The following CCDC150 variants were observed in gnomAD, a reference collection of about 807,000 sequenced individuals.
The protein encoded by CCDC150 is coiled-coil domain-containing protein 150.
Under a neutral mutation model 156.5 loss-of-function variants are expected in CCDC150, and 151 were observed. That is an observed-to-expected ratio of 0.97 (90% CI 0.85 to 1.10). CCDC150 has a LOEUF of 1.10. CCDC150 is among the 50% of genes least tolerant of loss of function. The pLI, the probability that CCDC150 is intolerant of heterozygous loss-of-function variation, is 0.00. For synonymous variants in CCDC150, 452 were observed against 429.4 expected (o/e 1.05, Z -0.65); for missense variants, 1,312 against 1,268.1 (o/e 1.03, Z -0.53).
At chr2:196,721,348 G>A (rs1697870829) in intron 20 of CCDC150, among the ~76,000 whole-genome samples, 174 bp from the exon 21 acceptor site, 1 of 18,960 alleles carries the variant, frequency 5.3e-5, no homozygotes, top group African/African-American at 1.9e-4. Context: ...TCATATATGT[G>A]TGTGCATATA....
intron 15 of CCDC150, among the ~76,000 whole-genome samples, chr2:196,709,804 C>T (rs574268520): frequency 6.6e-6 from 1 of 152,322 alleles, no homozygotes; most frequent in East Asian, 1.9e-4. Context: ...GAGGTCCACT[C>T]CAGACCCTGT....
chr2:196,667,458 C>G (rs77347881), intron 7 of CCDC150: 17,695 of 155,152 alleles, frequency 0.11, 1,121 homozygotes, highest in Middle Eastern at 0.19. Flanking sequence ...TATCATACTA[C>G]TGTTGCTAGT....
Position 196,718,502 on chromosome 2 carries a change from G to C in CCDC150, c.1867-1G>C, listed in dbSNP as rs1697674894. The C allele has an allele frequency of 6.2e-7, 1 of 1,603,446 alleles. No individual in the cohort carries two copies. The highest frequency in any genetic ancestry group is 1.3e-5 in the African/African-American group (1 of 74,648). ...TTTATTGTTTCTTTTTTCCTACTTA[G>C]GTGAAATCTATTCTTGAAAGAAGTA... is the stretch of plus-strand genomic sequence containing the variant. On this transcript the variant is annotated splice_acceptor_variant, in intron 17 of 27. Coordinates refer to ENST00000389175, the MANE Select transcript of CCDC150 (RefSeq NM_001080539.2). LOFTEE classifies it high-confidence loss of function.
chr2:196,725,898 C>T (rs767628713), intron 21 of CCDC150, 75 bp from the exon 22 acceptor site: 10 of 1,391,500 alleles, frequency 7.2e-6, no homozygotes, highest in Non-Finnish European at 9.8e-6. Flanking sequence ...GAGAGTTGCA[C>T]ACTCCCCTCC....
At chr2:196,716,308 A>G (rs746493317) in intron 17 of CCDC150, among the ~76,000 whole-genome samples, 2 of 152,246 alleles carry the variant, frequency 1.3e-5, no homozygotes, top group Non-Finnish European at 2.9e-5. Context: ...ACTTGTACAC[A>G]GGTGTTCACA....
Position 196,676,572 on chromosome 2 carries a change from G to A in CCDC150, c.1281G>A (p.Glu427=), listed in dbSNP as rs17271281. The A allele has an allele frequency of 0.13, 202,536 of 1,612,004 alleles. 13,925 individuals carry two copies. Among genetic ancestry groups the A allele is most frequent in the Non-Finnish European group, 0.14 (166,215 of 1,178,568 alleles). ...CCTGCAGGGATCATTTAATCCTTGA[G>A]CATAACCAGTGTATCCAGAAAGCAC... ...LQAHLDHLIL[E]HNQCIQKAQD... The change falls in exon 12 of 28, where the codon GAG becomes GAA. Residue 427 remains glutamate (E), a synonymous_variant. Coordinates refer to ENST00000389175, the MANE Select transcript of CCDC150 (RefSeq NM_001080539.2).
At chr2:196,694,857 G>A (rs950081543) in intron 13 of CCDC150, among the ~76,000 whole-genome samples, 189 bp from the exon 14 acceptor site, 2 of 152,164 alleles carry the variant, frequency 1.3e-5, no homozygotes, top group South Asian at 2.1e-4. Context: ...GTGAGACTAC[G>A]TCTCAAAAAA....
At chr2:196,694,052 A>ATTTTT (rs57421391) in intron 13 of CCDC150, among the ~76,000 whole-genome samples, 2 of 79,436 alleles carry the variant, frequency 2.5e-5, no homozygotes, top group African/African-American at 1.0e-4. Flanking sequence ...TTTGTGGAAG[A>ATTTTT]TTTTTTTTTT....
intron 15 of CCDC150, among the ~76,000 whole-genome samples, chr2:196,708,077 C>T (rs1696794518): frequency 6.6e-6 from 1 of 152,152 alleles, no homozygotes; most frequent in Non-Finnish European, 1.5e-5. Context: ...CCTTCTGTCT[C>T]ATTGATCTGT....
chr2:196,654,036 A>G (rs1693038268), intron 2 of CCDC150, among the ~76,000 whole-genome samples: 1 of 152,162 alleles, frequency 6.6e-6, no homozygotes, highest in Non-Finnish European at 1.5e-5. Context: ...GCTCCTTTAG[A>G]TAGCCAGCTC....
chr2:196,702,108 C>T (rs917910238), intron 15 of CCDC150, among the ~76,000 whole-genome samples: 13 of 151,974 alleles, frequency 8.6e-5, no homozygotes, highest in Non-Finnish European at 1.0e-4. Flanking sequence ...TGATGGCAAG[C>T]GCCTGTAATC....
At chr2:196,684,647 T>C (rs1287021110) in intron 13 of CCDC150, among the ~76,000 whole-genome samples, 1 of 152,144 alleles carries the variant, frequency 6.6e-6, no homozygotes, top group Non-Finnish European at 1.5e-5. Flanking sequence ...AAATGGGGTA[T>C]TGAAGTCTCC....
At chr2:196,705,957 T>G (rs1445620910) in intron 15 of CCDC150, among the ~76,000 whole-genome samples, 1 of 152,218 alleles carries the variant, frequency 6.6e-6, no homozygotes, top group Admixed American at 6.5e-5. Context: ...TACTGCAGCC[T>G]TATAGTATAG....
chr2:196,671,772 G>A (rs1694219207), intron 8 of CCDC150, among the ~76,000 whole-genome samples: 1 of 152,014 alleles, frequency 6.6e-6, no homozygotes, highest in South Asian at 2.1e-4. Context: ...CCTTTGTCTG[G>A]ATATACCACA....
chr2:196,687,406 A>T (rs1695183755), intron 13 of CCDC150, among the ~76,000 whole-genome samples: 1 of 152,168 alleles, frequency 6.6e-6, no homozygotes, highest in Admixed American at 6.5e-5. Context: ...TCTTGGCCAC[A>T]TTTATGTCTT....
chr2:196,722,184 T>G (rs1697958640), intron 21 of CCDC150, among the ~76,000 whole-genome samples: 1 of 152,240 alleles, frequency 6.6e-6, no homozygotes, highest in East Asian at 1.9e-4. Flanking sequence ...TTGCCTTAAA[T>G]TATACCTCGG....
At chr2:196,639,809 G>T (rs772206207) in intron 1 of CCDC150, 31 bp downstream of exon 1, 2 of 1,570,074 alleles carry the variant, frequency 1.3e-6, no homozygotes, top group African/African-American at 2.7e-5. Flanking sequence ...GCTGGTGAGG[G>T]GTGGTCGGAG....
intron 14 of CCDC150, among the ~76,000 whole-genome samples, chr2:196,699,317 G>C (rs1048728576): frequency 6.6e-6 from 1 of 152,134 alleles, no homozygotes; most frequent in Non-Finnish European, 1.5e-5. Flanking sequence ...TATTAATTCT[G>C]ACAGGACAAA....
chr2:196,719,838 A>G (rs149549194), intron 19 of CCDC150, 172 bp downstream of exon 19: 1 of 476,898 alleles, frequency 2.1e-6, no homozygotes, highest in East Asian at 3.6e-5. Flanking sequence ...AGAAATAAAT[A>G]TTATTTCCAA....
Sources: allele counts gnomAD v4.1 joint callset (sites outside exome capture counted in the v4.1 genomes callset), GRCh38; gene constraint gnomAD v4.1.1; transcripts MANE v1.5; gene names NCBI Gene and HGNC (gene_info 2026-07-23, HGNC 2026-07-21).